The following XIRP2 variants were observed in gnomAD, a reference collection of about 807,000 sequenced individuals.
XIRP2 encodes xin actin binding repeat containing 2.
A neutral mutation model predicts 277.0 loss-of-function variants in XIRP2; 236 were observed. The observed-to-expected ratio is 0.85, with a 90% confidence interval of 0.77 to 0.95. The LOEUF (loss-of-function observed/expected upper bound fraction) is 0.95. XIRP2 is among the 40% of genes least tolerant of loss of function. The pLI is 0.00. For missense variants in XIRP2, 4,640 were observed against 4,157.5 expected, an observed-to-expected ratio of 1.12 and a Z score of -3.19; for synonymous variants, 1,490 against 1,416.5, an observed-to-expected ratio of 1.05 and a Z score of -1.17.
At chr2:166,977,545 C>T (rs1448774781) in intron 2 of XIRP2, among the ~76,000 whole-genome samples, 2 of 152,154 alleles carry the variant, frequency 1.3e-5, no homozygotes, top group African/African-American at 2.4e-5. Context: ...ACCCTCTATC[C>T]ACCCTTCAGT....
chr2:166,998,011 T>C (rs76586481), intron 2 of XIRP2, among the ~76,000 whole-genome samples: 5,393 of 152,202 alleles, frequency 0.035, 122 homozygotes, highest in East Asian at 0.078. Context: ...ATTTAAGAAG[T>C]AGAGAGAGAT....
rs562030969 is a variant in XIRP2, at chr2:166,918,111, A to G, written c.408+14221A>G. ...ATCATATCTGGAAATACAGTAAATCAATAAGTCTGATTACTGGTGATACTG... is the reference window on the plus strand; with the variant it reads ...ATCATATCTGGAAATACAGTAAATCGATAAGTCTGATTACTGGTGATACTG... On this transcript the variant is annotated intron_variant, in intron 2 of 10. Coordinates refer to ENST00000409195, the MANE Select transcript of XIRP2 (RefSeq NM_152381.6). Among the ~76,000 whole-genome samples the G allele has an allele frequency of 4.6e-5, 7 of 152,328 alleles. No individual in the cohort carries two copies. In the East Asian group the frequency reaches 1.4e-3, roughly 29 times the overall value.
chr2:167,160,631 A>T (rs1376011253), intron 3 of XIRP2, among the ~76,000 whole-genome samples: 4 of 152,160 alleles, frequency 2.6e-5, no homozygotes, highest in Non-Finnish European at 5.9e-5. Flanking sequence ...TGAGAACAGC[A>T]TTGGAAAGAC....
intron 2 of XIRP2, among the ~76,000 whole-genome samples, chr2:167,062,506 C>A (rs572023830): frequency 6.6e-6 from 1 of 152,220 alleles, no homozygotes; most frequent in South Asian, 2.1e-4. Context: ...CTGGTTTTGA[C>A]AACAGGTAAT....
chr2:166,986,958 A>C (rs1242620479), intron 2 of XIRP2, among the ~76,000 whole-genome samples: 1 of 152,198 alleles, frequency 6.6e-6, no homozygotes, highest in African/African-American at 2.4e-5. Context: ...TTCTTATATA[A>C]TTTATTTCAC....
chr2:167,056,409 T>C (rs560039094), intron 2 of XIRP2, among the ~76,000 whole-genome samples: 35 of 152,316 alleles, frequency 2.3e-4, no homozygotes, highest in African/African-American at 8.4e-4. Flanking sequence ...CATACACCTT[T>C]AGATACTGTA....
intron 2 of XIRP2, among the ~76,000 whole-genome samples, chr2:167,039,690 CT>C (rs1344785285): frequency 6.6e-6 from 1 of 152,076 alleles, no homozygotes; most frequent in Non-Finnish European, 1.5e-5. Context: ...TTTGGCAGGT[CT>C]TATACAATGT....
intron 2 of XIRP2, among the ~76,000 whole-genome samples, chr2:167,005,204 G>T (rs1687476240): frequency 6.6e-6 from 1 of 151,858 alleles, no homozygotes; most frequent in African/African-American, 2.4e-5. Flanking sequence ...ATAAGGAAGT[G>T]AATCACTTTC....
chr2:167,214,093 AGAAGGAAGGAAGGAAG>A (rs776926324), intron 4 of XIRP2, among the ~76,000 whole-genome samples: 5 of 64,372 alleles, frequency 7.8e-5, no homozygotes, highest in East Asian at 8.4e-4. Context: ...GAAGAAAGAA[AGAAGGAAGGAAGGAAG>A]GAAGGAAGGA....
intron 1 of XIRP2, among the ~76,000 whole-genome samples, chr2:166,894,639 G>A (rs1287485630): frequency 6.6e-6 from 1 of 152,100 alleles, no homozygotes; most frequent in Non-Finnish European, 1.5e-5. Flanking sequence ...GGGTTATAGT[G>A]AAAACCTACT....
intron 3 of XIRP2, among the ~76,000 whole-genome samples, chr2:167,158,921 T>C (rs1481251192): frequency 6.6e-6 from 1 of 152,096 alleles, no homozygotes; most frequent in Non-Finnish European, 1.5e-5. Flanking sequence ...AAGAAAACTC[T>C]AAGGAATACA....
chr2:167,091,187 A>G (rs1373577608), intron 2 of XIRP2, among the ~76,000 whole-genome samples: 4 of 152,036 alleles, frequency 2.6e-5, no homozygotes, highest in African/African-American at 7.2e-5. Flanking sequence ...CATCTTCCTT[A>G]TGTTTATCAT....
chr2:166,913,115 C>G (rs1254873335), intron 2 of XIRP2, among the ~76,000 whole-genome samples: 3 of 152,174 alleles, frequency 2.0e-5, no homozygotes, highest in Non-Finnish European at 2.9e-5. Context: ...GGGAGAACCA[C>G]TACTCACTTC....
Position 166,975,149 on chromosome 2 carries a change from A to G in XIRP2, c.408+71259A>G, listed in dbSNP as rs866342599. Among the ~76,000 whole-genome samples, 5 of 152,288 alleles carry G rather than the reference A, an allele frequency of 3.3e-5. No individual in the cohort carries two copies. The South Asian group carries it at 8.3e-4, about 25-fold the overall frequency. ...ACCTAATAAAAGAACTTTAAAATAC[A>G]TGAAGTAGAGACTGACAGAATTAAA... On this transcript the variant is annotated intron_variant, in intron 2 of 10. Coordinates refer to ENST00000409195, the MANE Select transcript of XIRP2 (RefSeq NM_152381.6).
At chr2:166,900,964 G>A (rs1574062072) in intron 1 of XIRP2, among the ~76,000 whole-genome samples, 1 of 152,162 alleles carries the variant, frequency 6.6e-6, no homozygotes, top group East Asian at 1.9e-4. Context: ...CCCACACTTG[G>A]TCTTCTCTAA....
chr2:167,023,320 A>C (rs1019170248), intron 2 of XIRP2, among the ~76,000 whole-genome samples: 1 of 151,602 alleles, frequency 6.6e-6, no homozygotes, highest in Non-Finnish European at 1.5e-5. Context: ...TTTTCTTGTA[A>C]ATTTGTTTGA....
At chr2:167,124,083 T>C (rs1387542109) in intron 2 of XIRP2, 1 of 152,154 alleles carries the variant, frequency 6.6e-6, no homozygotes, top group African/African-American at 2.4e-5. Context: ...CTGGAAATGG[T>C]AGCTTCTGCT....
At chr2:167,026,260 A>T (rs1355706721) in intron 2 of XIRP2, among the ~76,000 whole-genome samples, 1 of 152,042 alleles carries the variant, frequency 6.6e-6, no homozygotes, top group Non-Finnish European at 1.5e-5. Context: ...CTGTTTTATC[A>T]GAGACTAGGA....
chr2:167,158,502 G>A (rs2105338220), intron 3 of XIRP2, among the ~76,000 whole-genome samples: 1 of 152,250 alleles, frequency 6.6e-6, no homozygotes, highest in South Asian at 2.1e-4. Context: ...CCTGTGTGAG[G>A]TTGGGATGGC....
Sources: gnomAD v4.1 joint callset for allele counts (sites outside exome capture counted in the v4.1 genomes callset) on GRCh38, gnomAD v4.1.1 for gene constraint, MANE v1.5 for transcripts, NCBI Gene and HGNC (gene_info 2026-07-23, HGNC 2026-07-21) for gene names.